The following GALNT15 variants were observed in gnomAD, a reference collection of about 807,000 sequenced individuals.
The protein encoded by GALNT15 is polypeptide N-acetylgalactosaminyltransferase 15.
A neutral mutation model predicts 66.8 loss-of-function variants in GALNT15; 67 were observed. The observed-to-expected ratio is 1.00, with a 90% confidence interval of 0.82 to 1.23. The LOEUF is 1.23. GALNT15 is among the 50% of genes most tolerant of loss of function. The probability of loss-of-function intolerance (pLI) is 0.00; values close to 1 mark genes in which losing one functional copy is unlikely to be tolerated. For synonymous variants in GALNT15, 313 were observed against 311.5 expected, an observed-to-expected ratio of 1.00 and a Z score of -0.05; for missense variants, 827 against 804.3, an observed-to-expected ratio of 1.03 and a Z score of -0.34.
intron 1 of GALNT15, among the ~76,000 whole-genome samples, chr3:16,192,690 G>A (rs1283929902): frequency 1.3e-5 from 2 of 152,194 alleles, no homozygotes; most frequent in African/African-American, 4.8e-5. Context: ...AATGAAGGGG[G>A]TGAAAGACCT....
At chr3:16,235,536 A>G (rs2672564), downstream of GALNT15, among the ~76,000 whole-genome samples, 115,024 of 152,028 alleles carry the variant, frequency 0.76, 43,812 homozygotes, top group African/African-American at 0.84. Flanking sequence ...GAAGCGATGG[A>G]TTCAAACAAT....
intron 3 of GALNT15, among the ~76,000 whole-genome samples, chr3:16,207,161 A>G (rs2063765573): frequency 6.6e-6 from 1 of 152,232 alleles, no homozygotes; most frequent in African/African-American, 2.4e-5. Context: ...ATTAAAGCAG[A>G]TAATGAAATC....
chr3:16,222,529 C>A, intron 8 of GALNT15, 86 bp from the exon 9 acceptor site: 1 of 1,528,404 alleles, frequency 6.5e-7, no homozygotes, highest in Non-Finnish European at 9.0e-7. Context: ...TAGACCTCAG[C>A]TCTATAGTGG....
At chr3:16,214,146 T>C (rs528579372) in intron 6 of GALNT15, among the ~76,000 whole-genome samples, 1 of 152,328 alleles carries the variant, frequency 6.6e-6, no homozygotes, top group Non-Finnish European at 1.5e-5. Flanking sequence ...GCAGCCTCCT[T>C]CGTTCCTCCA....
At chr3:16,215,214 G>A (rs926056672) in intron 6 of GALNT15, among the ~76,000 whole-genome samples, 2 of 152,224 alleles carry the variant, frequency 1.3e-5, no homozygotes, top group African/African-American at 4.8e-5. Flanking sequence ...AAGTGCCTGT[G>A]AATATATACT....
the GALNT15 span, among the ~76,000 whole-genome samples, chr3:16,246,412 G>A: frequency 7.6e-6 from 1 of 131,934 alleles, no homozygotes; most frequent in African/African-American, 2.9e-5. Context: ...TGCAACATCC[G>A]CCTCCCGGGT....
chr3:16,196,094 G>C, intron 2 of GALNT15, 168 bp downstream of exon 2: 1 of 659,928 alleles, frequency 1.5e-6, no homozygotes, highest in Non-Finnish European at 2.6e-6. Flanking sequence ...GAGCCACTGG[G>C]GAAACCAGTA....
At position 16,225,711 on chromosome 3, in the gene GALNT15, A is replaced by C. The variant is rs1240463696; in HGVS notation, c.1774-1643A>C. Among the ~76,000 whole-genome samples the C allele has an allele frequency of 6.6e-6, 1 of 151,800 alleles. No individual in the cohort carries two copies. Among genetic ancestry groups the C allele is most frequent in the East Asian group, 1.9e-4 (1 of 5,164 alleles). ...CTGTCTCAAAATAAATAAATAAATA[A>C]AAGAAAAAGAAAAAAAGAAGAAAAA... On this transcript the variant is annotated intron_variant, in intron 9 of 9. Coordinates refer to ENST00000339732, the MANE Select transcript of GALNT15 (RefSeq NM_054110.5). This position sits in a 1 kb window ranked among gnomAD's most constrained non-coding sequence, Gnocchi z 4.4.
At chr3:16,222,905 CA>C in intron 9 of GALNT15, 147 bp downstream of exon 9, 1 of 944,882 alleles carries the variant, frequency 1.1e-6, no homozygotes, top group Non-Finnish European at 1.5e-6. Context: ...AGTAAGGCCT[CA>C]GGGGGAGGAA....
rs1559695283 is a variant in GALNT15, at chr3:16,225,514, G to A, written c.1774-1840G>A. ...GGCTGAGACCAGCCTGGCCAATATG[G>A]TGAAACCCCGTTTCTACTAAAAACA... On this transcript the variant is annotated intron_variant, in intron 9 of 9. Coordinates refer to ENST00000339732, the MANE Select transcript of GALNT15 (RefSeq NM_054110.5). This position sits in a 1 kb window ranked among gnomAD's most constrained non-coding sequence, Gnocchi z 4.4. Among the ~76,000 whole-genome samples, 2 of 152,054 alleles carry A rather than the reference G, an allele frequency of 1.3e-5. No individual in the cohort carries two copies. Among genetic ancestry groups the A allele is most frequent in the Non-Finnish European group, 2.9e-5 (2 of 68,004 alleles).
chr3:16,234,342 G>C (rs1286664855), downstream of GALNT15, among the ~76,000 whole-genome samples: 1 of 150,942 alleles, frequency 6.6e-6, no homozygotes, highest in South Asian at 2.1e-4. Context: ...TTTCTTCCGC[G>C]AAAGCCAAAG....
In GALNT15 at chr3:16,228,654, A is replaced by G. The variant is rs879924314; in HGVS notation, c.*1154A>G. On this transcript the variant is annotated 3_prime_UTR_variant, in exon 10 of 10. Coordinates refer to ENST00000339732, the MANE Select transcript of GALNT15 (RefSeq NM_054110.5). The stretch of plus-strand genomic sequence containing the variant: ...AGACTCCATCTCAAAAAAAAAAAAA[A>G]AGAGAGAAACTCTCCTGATGCCCTG... The G allele has an allele frequency of 1.6e-3, 1,503 of 966,818 alleles. 3 individuals carry two copies. Among genetic ancestry groups the G allele is most frequent in the Non-Finnish European group, 1.8e-3 (1,471 of 816,432 alleles). The allele number at this position is 966,818 out of a possible 1,614,324, so 59.9% of individuals were successfully genotyped here.
downstream of GALNT15, among the ~76,000 whole-genome samples, chr3:16,230,579 CA>C (rs3215233): frequency 7.2e-4 from 101 of 140,186 alleles, 1 homozygote; most frequent in Admixed American, 5.1e-3. This position sits in a 1 kb window ranked among gnomAD's most constrained non-coding sequence, Gnocchi z 4.5. Flanking sequence ...AAAAAGCATT[CA>C]AAAAAAAAGA....
intron 8 of GALNT15, among the ~76,000 whole-genome samples, chr3:16,222,312 A>G (rs2063951266): frequency 6.6e-6 from 1 of 152,222 alleles, no homozygotes; most frequent in Non-Finnish European, 1.5e-5. Flanking sequence ...TCAACAGTAT[A>G]GTAACAAAAC....
intron 4 of GALNT15, 70 bp downstream of exon 4, chr3:16,208,740 G>T (rs951060000): frequency 1.4e-6 from 2 of 1,406,766 alleles, no homozygotes; most frequent in African/African-American, 2.9e-5. Flanking sequence ...GCCTGCCTGG[G>T]GTCTAATCCT....
At chr3:16,221,983 G>T (rs2063947394) in intron 8 of GALNT15, among the ~76,000 whole-genome samples, 1 of 152,168 alleles carries the variant, frequency 6.6e-6, no homozygotes, top group South Asian at 2.1e-4. Context: ...TGACTGCACA[G>T]GTCACATACC....
intron 1 of GALNT15, among the ~76,000 whole-genome samples, chr3:16,177,802 T>A (rs2063426354): frequency 1.3e-5 from 2 of 152,252 alleles, no homozygotes; most frequent in Admixed American, 1.3e-4. Context: ...GCTTCTGTGG[T>A]GCATTGTGCT....
Position 16,219,306 on chromosome 3 carries a change from G to A in GALNT15, c.1393-97G>A. 6.6e-7 allele frequency: 1 copy of A among 1,514,334 alleles called. No homozygotes were observed. Among genetic ancestry groups the A allele is most frequent in the Non-Finnish European group, 9.0e-7 (1 of 1,111,490 alleles). The allele number at this position is 1,514,334 out of a possible 1,614,324, so 93.8% of individuals were successfully genotyped here. On this transcript the variant is annotated intron_variant, in intron 6 of 9. Transcript: ENST00000339732. This position sits in a 1 kb window ranked among gnomAD's most constrained non-coding sequence, Gnocchi z 4.3. ...GGTCTTGGCCCCTTCCTTCTGTCCT[G>A]ATCCTTTAGCTTCTTCCCAGCCACT...
the GALNT15 span, among the ~76,000 whole-genome samples, chr3:16,237,916 C>T: frequency 3.3e-4 from 51 of 152,262 alleles, no homozygotes; most frequent in East Asian, 9.4e-3. This position sits in a 1 kb window ranked among gnomAD's most constrained non-coding sequence, Gnocchi z 4.2. Context: ...ATTCAGGATC[C>T]CCCACCTACC....
Sources: allele counts gnomAD v4.1 joint callset (sites outside exome capture counted in the v4.1 genomes callset), GRCh38; gene constraint gnomAD v4.1.1; non-coding constraint Gnocchi (gnomAD v3.1); transcripts MANE v1.5; gene names NCBI Gene and HGNC (gene_info 2026-07-23, HGNC 2026-07-21).